SGCZ: variants seen among roughly 807,000 people sequenced by gnomAD.
SGCZ encodes zeta-sarcoglycan.
A neutral mutation model predicts 41.3 loss-of-function variants in SGCZ; 40 were observed. The ratio of observed to expected loss-of-function variants is 0.97; its 90% CI spans 0.75 to 1.26. The LOEUF (loss-of-function observed/expected upper bound fraction) is 1.26, where lower values mean the gene tolerates loss of function less well. SGCZ is among the 50% of genes most tolerant of loss of function. SGCZ has a pLI of 0.00. For synonymous variants in SGCZ, 206 were observed against 137.5 expected (o/e 1.50, Z -3.49); for missense variants, 552 against 369.8 (o/e 1.49, Z -4.04).
intron 1 of SGCZ, among the ~76,000 whole-genome samples, chr8:15,065,621 T>C (rs2131018707): frequency 6.6e-6 from 1 of 151,868 alleles, no homozygotes; most frequent in African/African-American, 2.4e-5. Context: ...GTATTTTCGG[T>C]AGAGACAGGG....
At position 14,761,930 on chromosome 8, in the gene SGCZ, C is replaced by T. The variant is rs79054415; in HGVS notation, c.40-207004G>A. On this transcript the variant is annotated intron_variant, in intron 1 of 7. Transcript: ENST00000382080. ...CCTGAGGAAACCACCTTTCCAAGTG[C>T]GTAGAGTCAGAACTGCACCAATTTC... is the stretch of plus-strand genomic sequence containing the variant. Among the ~76,000 whole-genome samples the T allele has an allele frequency of 3.8e-3, 585 of 152,192 alleles. 1 individual carries two copies. Among genetic ancestry groups the T allele is most frequent in the Non-Finnish European group, 6.0e-3 (407 of 68,008 alleles).
intron 1 of SGCZ, among the ~76,000 whole-genome samples, chr8:15,067,619 A>G (rs1417068467): frequency 1.3e-5 from 2 of 151,710 alleles, no homozygotes; most frequent in African/African-American, 2.4e-5. Context: ...TTATATTTGT[A>G]CCACTTCTTA....
chr8:14,382,080 T>A (rs1368859855), intron 2 of SGCZ, among the ~76,000 whole-genome samples: 2 of 152,114 alleles, frequency 1.3e-5, no homozygotes, highest in African/African-American at 4.8e-5. Context: ...GCAGGAAAAA[T>A]GAATACTTCC....
At chr8:15,080,014 A>T (rs1188541612) in intron 1 of SGCZ, among the ~76,000 whole-genome samples, 2 of 151,646 alleles carry the variant, frequency 1.3e-5, no homozygotes. Context: ...TTTCTTCTCC[A>T]GCCGGTCCTC....
chr8:15,004,191 G>A (rs955300530), intron 1 of SGCZ, among the ~76,000 whole-genome samples: 28 of 152,178 alleles, frequency 1.8e-4, no homozygotes, highest in African/African-American at 5.8e-4. Flanking sequence ...AGGACGGCAA[G>A]AGGAGAAAGG....
intron 5 of SGCZ, among the ~76,000 whole-genome samples, chr8:14,110,510 T>A (rs1260509545): frequency 6.6e-6 from 1 of 152,142 alleles, no homozygotes; most frequent in Non-Finnish European, 1.5e-5. Context: ...ATAAAAATAA[T>A]CATTTTTAAA....
At chr8:14,268,629 G>A (rs1354823369) in intron 3 of SGCZ, among the ~76,000 whole-genome samples, 3 of 151,500 alleles carry the variant, frequency 2.0e-5, no homozygotes, top group South Asian at 2.1e-4. Flanking sequence ...TTTATCTTTG[G>A]CTTGCTTTTA....
At chr8:14,378,833 GC>G (rs1804245474) in intron 2 of SGCZ, among the ~76,000 whole-genome samples, 2 of 152,060 alleles carry the variant, frequency 1.3e-5, no homozygotes, top group Non-Finnish European at 2.9e-5. Flanking sequence ...AATAAACTCT[GC>G]ACACTGAGTG....
At chr8:14,788,117 T>C (rs1056557959) in intron 1 of SGCZ, among the ~76,000 whole-genome samples, 1 of 152,210 alleles carries the variant, frequency 6.6e-6, no homozygotes, top group African/African-American at 2.4e-5. Context: ...TTTTGTGATA[T>C]CATTACCTAA....
intron 1 of SGCZ, among the ~76,000 whole-genome samples, chr8:14,578,745 T>G (rs1731413871): frequency 6.6e-6 from 1 of 152,204 alleles, no homozygotes; most frequent in African/African-American, 2.4e-5. Context: ...AAATAAAATT[T>G]GGATTCATTA....
intron 2 of SGCZ, among the ~76,000 whole-genome samples, chr8:14,392,546 G>T (rs1252442820): frequency 1.3e-5 from 2 of 152,168 alleles, no homozygotes; most frequent in Non-Finnish European, 2.9e-5. Context: ...ATTCATTTCA[G>T]ATATAGGGGT....
intron 3 of SGCZ, among the ~76,000 whole-genome samples, chr8:14,267,689 A>C (rs529562118): frequency 1.3e-5 from 2 of 152,210 alleles, no homozygotes; most frequent in African/African-American, 2.4e-5. Flanking sequence ...TGAATATGAT[A>C]CATTTGTAAA....
intron 1 of SGCZ, among the ~76,000 whole-genome samples, chr8:14,642,332 A>G (rs1807053527): frequency 6.6e-6 from 1 of 151,664 alleles, no homozygotes; most frequent in South Asian, 2.1e-4. Flanking sequence ...TAAGAACTAT[A>G]CCATCTCCTT....
intron 2 of SGCZ, among the ~76,000 whole-genome samples, chr8:14,511,862 C>A (rs1316785274): frequency 6.6e-6 from 1 of 152,016 alleles, no homozygotes; most frequent in Admixed American, 6.6e-5. Flanking sequence ...ACAGGGTATC[C>A]CTTGATTACA....
chr8:15,112,750 C>A (rs62499776), intron 1 of SGCZ, among the ~76,000 whole-genome samples: 2 of 152,192 alleles, frequency 1.3e-5, no homozygotes, highest in African/African-American at 2.4e-5. Flanking sequence ...CACCAACTTA[C>A]CAGCCACTGG....
chr8:14,270,800 T>C (rs1207263236), intron 3 of SGCZ, among the ~76,000 whole-genome samples: 1 of 152,186 alleles, frequency 6.6e-6, no homozygotes, highest in Non-Finnish European at 1.5e-5. Flanking sequence ...CCAACCCAAA[T>C]GTCCAACAAT....
At chr8:14,568,147 C>A (rs1804436412) in intron 1 of SGCZ, among the ~76,000 whole-genome samples, 1 of 152,004 alleles carries the variant, frequency 6.6e-6, no homozygotes, top group South Asian at 2.1e-4. Context: ...GAAAACCAAA[C>A]ACCGCATATT....
At chr8:14,527,914 TG>T (rs1563387966) in intron 2 of SGCZ, among the ~76,000 whole-genome samples, 1 of 151,718 alleles carries the variant, frequency 6.6e-6, no homozygotes, top group East Asian at 1.9e-4. Flanking sequence ...AAGTGGGAGG[TG>T]GGGGAGTAAT....
At chr8:14,396,639 C>T (rs1211546117) in intron 2 of SGCZ, among the ~76,000 whole-genome samples, 1 of 151,946 alleles carries the variant, frequency 6.6e-6, no homozygotes, top group Admixed American at 6.6e-5. Context: ...TCTAGACAAC[C>T]TGGTAGCTAA....
Sources: gnomAD v4.1 joint callset for allele counts (sites outside exome capture counted in the v4.1 genomes callset) on GRCh38, gnomAD v4.1.1 for gene constraint, MANE v1.5 for transcripts, NCBI Gene and HGNC (gene_info 2026-07-23, HGNC 2026-07-21) for gene names.